The following HDAC4 variants were observed in gnomAD, a reference collection of about 807,000 sequenced individuals.
HDAC4 encodes the protein histone deacetylase 4, also known as histone deacetylase A.
In HDAC4, 16 loss-of-function variants were observed where a neutral mutation model predicts 135.1. That is an observed-to-expected ratio of 0.12 (90% CI 0.08 to 0.18). HDAC4 has a LOEUF of 0.18. Ranked by LOEUF, HDAC4 falls within the 10% of genes least tolerant of loss-of-function variation. The probability of loss-of-function intolerance (pLI) is 1.00; values close to 1 mark genes in which losing one functional copy is unlikely to be tolerated. For missense variants in HDAC4, 1,143 were observed against 1,511.8 expected, an observed-to-expected ratio of 0.76 and a Z score of 4.05; for synonymous variants, 685 against 653.4, an observed-to-expected ratio of 1.05 and a Z score of -0.74.
intron 2 of HDAC4, among the ~76,000 whole-genome samples, chr2:239,274,228 G>C (rs1474859430): frequency 6.6e-6 from 1 of 152,158 alleles, no homozygotes; most frequent in Non-Finnish European, 1.5e-5. Context: ...TTTATTATTT[G>C]TTGCAAACAT....
At chr2:239,253,751 A>G (rs2048908921) in intron 2 of HDAC4, among the ~76,000 whole-genome samples, 2 of 152,234 alleles carry the variant, frequency 1.3e-5, no homozygotes, top group Non-Finnish European at 2.9e-5. Context: ...GAAAGGAAAG[A>G]AAGCAAACGG....
intron 2 of HDAC4, among the ~76,000 whole-genome samples, chr2:239,329,817 G>T (rs966027999): frequency 1.2e-4 from 18 of 152,066 alleles, no homozygotes; most frequent in African/African-American, 4.1e-4. Flanking sequence ...TGCCTCACTG[G>T]ATCTTCACGA....
At chr2:239,383,737 C>G (rs901590062) in intron 1 of HDAC4, among the ~76,000 whole-genome samples, 1 of 152,050 alleles carries the variant, frequency 6.6e-6, no homozygotes, top group Non-Finnish European at 1.5e-5. Flanking sequence ...AGCACTGCCT[C>G]GGGCCAGCTG....
intron 1 of HDAC4, among the ~76,000 whole-genome samples, chr2:239,378,710 G>A (rs72993767): frequency 0.019 from 2,666 of 143,498 alleles, 25 homozygotes; most frequent in Non-Finnish European, 0.028. Context: ...CAATAACCCC[G>A]GGAACCAATA....
chr2:239,137,471 C>T (rs559786603), intron 9 of HDAC4, among the ~76,000 whole-genome samples: 85 of 151,736 alleles, frequency 5.6e-4, no homozygotes, highest in Non-Finnish European at 1.0e-3. Flanking sequence ...GGAGGAGGTG[C>T]CGGCACTCTG....
chr2:239,244,072 C>T (rs2048339161), intron 2 of HDAC4, among the ~76,000 whole-genome samples: 1 of 152,128 alleles, frequency 6.6e-6, no homozygotes, highest in African/African-American at 2.4e-5. Context: ...ACTGGGACTC[C>T]AGGGACTGAG....
chr2:239,374,342 G>A (rs1232899041), intron 1 of HDAC4, among the ~76,000 whole-genome samples: 1 of 147,770 alleles, frequency 6.8e-6, no homozygotes, highest in Non-Finnish European at 1.5e-5. Context: ...TGACGAGGGT[G>A]ACCAGGAGAG....
At chr2:239,087,249 T>G (rs2036063206) in intron 19 of HDAC4, among the ~76,000 whole-genome samples, 1 of 152,146 alleles carries the variant, frequency 6.6e-6, no homozygotes, top group African/African-American at 2.4e-5. Context: ...CACTTGAGGG[T>G]GAGTGGTGTT....
At chr2:239,376,113 C>G (rs1694986747) in intron 1 of HDAC4, among the ~76,000 whole-genome samples, 1 of 151,720 alleles carries the variant, frequency 6.6e-6, no homozygotes, top group Admixed American at 6.6e-5. Flanking sequence ...CCTCCACCAT[C>G]CAAACACCAA....
chr2:239,362,732 C>T (rs1319489354), intron 1 of HDAC4, among the ~76,000 whole-genome samples: 5 of 152,204 alleles, frequency 3.3e-5, no homozygotes, highest in Non-Finnish European at 7.4e-5. Context: ...CAACAGAGAG[C>T]CTTCACCAAA....
intron 1 of HDAC4, among the ~76,000 whole-genome samples, chr2:239,359,720 A>C (rs1266972488): frequency 6.6e-6 from 1 of 152,192 alleles, no homozygotes; most frequent in African/African-American, 2.4e-5. Context: ...GAGCCAGGTC[A>C]CCAGGAACCA....
intron 2 of HDAC4, among the ~76,000 whole-genome samples, chr2:239,304,657 G>A (rs538900787): frequency 2.0e-5 from 3 of 152,104 alleles, no homozygotes; most frequent in Non-Finnish European, 2.9e-5. Context: ...AAACACTACC[G>A]TGTCCTGCCC....
intron 2 of HDAC4, among the ~76,000 whole-genome samples, chr2:239,286,901 T>C (rs1166865953): frequency 1.3e-5 from 2 of 152,110 alleles, no homozygotes; most frequent in African/African-American, 4.8e-5. Context: ...CAGACACACA[T>C]ACACACGCAA....
At chr2:239,143,283 G>A (rs898758105) in intron 8 of HDAC4, among the ~76,000 whole-genome samples, 1 of 151,792 alleles carries the variant, frequency 6.6e-6, no homozygotes, top group Admixed American at 6.6e-5. Context: ...ACAAAAAAAC[G>A]CAAAGGTTCA....
intron 7 of HDAC4, among the ~76,000 whole-genome samples, chr2:239,148,889 T>TC (rs1202014437): frequency 3.9e-5 from 6 of 152,132 alleles, no homozygotes; most frequent in Admixed American, 6.5e-5. Flanking sequence ...CCTGAATTGA[T>TC]AGCAGGCAGG....
intron 3 of HDAC4, among the ~76,000 whole-genome samples, chr2:239,231,340 G>A (rs1432167618): frequency 6.6e-6 from 1 of 152,178 alleles, no homozygotes; most frequent in Non-Finnish European, 1.5e-5. Flanking sequence ...TTCTGAGGAT[G>A]TCTTTCTCCC....
chr2:239,383,864 CCA>C (rs1325861145), intron 1 of HDAC4, among the ~76,000 whole-genome samples: 2 of 152,176 alleles, frequency 1.3e-5, no homozygotes, highest in African/African-American at 2.4e-5. Flanking sequence ...CCACACAGTC[CCA>C]CAGAGTCCCC....
At chr2:239,389,278 G>A (rs1696037304) in intron 1 of HDAC4, among the ~76,000 whole-genome samples, 1 of 152,158 alleles carries the variant, frequency 6.6e-6, no homozygotes, top group African/African-American at 2.4e-5. Context: ...CTTCCATGCT[G>A]TGGAAGCTTT....
intron 1 of HDAC4, among the ~76,000 whole-genome samples, chr2:239,395,841 T>C (rs1696523719): frequency 6.6e-6 from 1 of 152,226 alleles, no homozygotes; most frequent in Non-Finnish European, 1.5e-5. Flanking sequence ...TACACACTTA[T>C]CTTCTTTCCT....
Sources: gnomAD v4.1 joint callset for allele counts (sites outside exome capture counted in the v4.1 genomes callset) on GRCh38, gnomAD v4.1.1 for gene constraint, MANE v1.5 for transcripts, NCBI Gene and HGNC (gene_info 2026-07-23, HGNC 2026-07-21) for gene names.